LRP1B: variants seen among roughly 807,000 people sequenced by gnomAD.
LRP1B encodes low-density lipoprotein receptor-related protein 1B.
LRP1B carries 217 observed loss-of-function variants against 556.6 expected under a neutral mutation model. That is an observed-to-expected ratio of 0.39 (90% CI 0.35 to 0.44). LRP1B has a LOEUF of 0.44. LRP1B is among the 20% of genes least tolerant of loss of function. The pLI is 1.00. For missense variants in LRP1B, 5,053 were observed against 5,620.8 expected (o/e 0.90, Z 3.23); for synonymous variants, 2,047 against 1,865.8 (o/e 1.10, Z -2.50).
At position 141,099,444 on chromosome 2, in the gene LRP1B, CAG is replaced by C. The variant is rs202012596; in HGVS notation, c.1014-37173_1014-37172del. On this transcript the variant is annotated intron_variant, in intron 7 of 90. Transcript: ENST00000389484. ...CTCTAATATCTCAACTCCCAAAGCA[CAG>C]AGACTAGATGGACGTCAATCTTTCA... 5.3e-3 allele frequency among the ~76,000 whole-genome samples: 781 copies of C among 147,530 alleles called. 11 individuals carry two copies. The highest frequency in any genetic ancestry group is 0.015 in the South Asian group (71 of 4,738).
chr2:140,335,571 G>T (rs1234334555), intron 78 of LRP1B, 44 bp downstream of exon 78: 1 of 1,143,884 alleles, frequency 8.7e-7, no homozygotes, highest in Non-Finnish European at 1.3e-6. Context: ...TTCTAAAAAG[G>T]ATATTCATTA....
intron 2 of LRP1B, among the ~76,000 whole-genome samples, chr2:141,678,242 A>C (rs1394637938): frequency 6.6e-6 from 1 of 152,198 alleles, no homozygotes; most frequent in Admixed American, 6.5e-5. Flanking sequence ...GTAGGAAAAG[A>C]ATATCAGCTA....
At chr2:140,495,980 G>A (rs1049303468) in intron 55 of LRP1B, among the ~76,000 whole-genome samples, 2 of 152,152 alleles carry the variant, frequency 1.3e-5, no homozygotes, top group Admixed American at 1.3e-4. Context: ...GATTGTAAAA[G>A]TTAATTGACA....
Position 140,294,208 on chromosome 2 carries a change from A to G in LRP1B, c.12967+3600T>C, listed in dbSNP as rs544973331. On this transcript the variant is annotated intron_variant, in intron 84 of 90. Transcript: ENST00000389484. ...AAAATGACATGTTCTATGTTGGTCT[A>G]CCAATTGGGAACCAAAAGACAGAGG... 4.6e-5 allele frequency among the ~76,000 whole-genome samples: 7 copies of G among 152,310 alleles called. No homozygotes were observed. The South Asian group carries it at 1.4e-3, about 32-fold the overall frequency.
At chr2:142,116,023 G>C (rs6707007) in intron 1 of LRP1B, among the ~76,000 whole-genome samples, 118,003 of 140,696 alleles carry the variant, frequency 0.84, 50,169 homozygotes, top group East Asian at 0.94. Flanking sequence ...GTGGGAGCAG[G>C]CGGCCAACAT....
At position 141,301,772 on chromosome 2, in the gene LRP1B, G is replaced by A. The variant is rs76376813; in HGVS notation, c.344-47131C>T. 1.1e-3 allele frequency among the ~76,000 whole-genome samples: 169 copies of A among 152,254 alleles called. 1 individual carries two copies. In the East Asian group the frequency reaches 0.03, roughly 27 times the overall value. On this transcript the variant is annotated intron_variant, in intron 3 of 90. Coordinates refer to ENST00000389484, the MANE Select transcript of LRP1B (RefSeq NM_018557.3). ...CTTGATTGTGTCAACATATCTTACA[G>A]TTTGCAGACATGGAAGGAGCCGGCA...
chr2:141,405,301 T>G (rs986160774), intron 3 of LRP1B, among the ~76,000 whole-genome samples: 1 of 152,160 alleles, frequency 6.6e-6, no homozygotes, highest in African/African-American at 2.4e-5. Flanking sequence ...ATAGGGAATA[T>G]CATTTAGCAA....
At chr2:140,780,718 G>T (rs1390332013) in intron 32 of LRP1B, among the ~76,000 whole-genome samples, 1 of 152,096 alleles carries the variant, frequency 6.6e-6, no homozygotes, top group Non-Finnish European at 1.5e-5. Flanking sequence ...ATGGGCCTGG[G>T]TTACATTCAT....
chr2:140,307,495 T>C (rs1684117926), intron 83 of LRP1B, among the ~76,000 whole-genome samples: 1 of 151,870 alleles, frequency 6.6e-6, no homozygotes, highest in African/African-American at 2.4e-5. Context: ...GATTTTATAC[T>C]TTTGGACATA....
intron 3 of LRP1B, among the ~76,000 whole-genome samples, chr2:141,340,113 G>A (rs73963018): frequency 0.051 from 7,707 of 152,246 alleles, 638 homozygotes; most frequent in African/African-American, 0.17. Context: ...CTCATTTATA[G>A]TTTTGTGAGT....
At chr2:141,026,549 C>A (rs898722136) in intron 11 of LRP1B, among the ~76,000 whole-genome samples, 3 of 152,024 alleles carry the variant, frequency 2.0e-5, no homozygotes, top group Non-Finnish European at 2.9e-5. Context: ...TGTGACCATA[C>A]TCCTGGAGAT....
chr2:140,818,414 A>T (rs2105048099), intron 31 of LRP1B, among the ~76,000 whole-genome samples: 1 of 152,320 alleles, frequency 6.6e-6, no homozygotes, highest in East Asian at 1.9e-4. Flanking sequence ...ATCACATGCT[A>T]TATCTGTAGA....
At chr2:141,164,136 G>A (rs1181532920) in intron 7 of LRP1B, among the ~76,000 whole-genome samples, 1 of 152,002 alleles carries the variant, frequency 6.6e-6, no homozygotes, top group African/African-American at 2.4e-5. Flanking sequence ...AGAAGCAGAG[G>A]TGGAAATGAA....
rs1386384278 is a variant in LRP1B at position 140,232,813 on chromosome 2, T to C, written c.*373A>G. 6.4e-6 allele frequency: 1 copy of C among 155,350 alleles called. No homozygotes were observed. The highest frequency in any genetic ancestry group is 1.4e-5 in the Non-Finnish European group (1 of 70,152). 9.6% of individuals were successfully genotyped at this position (155,350 alleles called of 1,614,324 possible). ...ACTGTATTACAGCCTTCAAACCGTA[T>C]AATGGAAAAGTGCAGAGATTCTCCT... On this transcript the variant is annotated 3_prime_UTR_variant, in exon 91 of 91. Transcript: ENST00000389484.
At chr2:141,193,514 T>C (rs892063464) in intron 6 of LRP1B, among the ~76,000 whole-genome samples, 5 of 151,900 alleles carry the variant, frequency 3.3e-5, no homozygotes, top group Non-Finnish European at 7.4e-5. Flanking sequence ...CATGTTCTCA[T>C]GTATTAGTAG....
intron 1 of LRP1B, among the ~76,000 whole-genome samples, chr2:141,842,134 C>A (rs1192587652): frequency 6.6e-6 from 1 of 151,990 alleles, no homozygotes; most frequent in African/African-American, 2.4e-5. Flanking sequence ...AGAATCCTTG[C>A]CAAATGAGAT....
At chr2:141,191,322 A>G (rs1227868142) in intron 6 of LRP1B, among the ~76,000 whole-genome samples, 3 of 151,858 alleles carry the variant, frequency 2.0e-5, no homozygotes, top group Non-Finnish European at 4.4e-5. Flanking sequence ...GGTCAAAATT[A>G]TATTTTTTCC....
chr2:140,285,771 T>C (rs1683120357), intron 84 of LRP1B, among the ~76,000 whole-genome samples: 1 of 151,812 alleles, frequency 6.6e-6, no homozygotes, highest in South Asian at 2.1e-4. Flanking sequence ...TCCCAGATAC[T>C]TTTATTTAGA....
chr2:141,260,611 T>C (rs1005992801), intron 3 of LRP1B, among the ~76,000 whole-genome samples: 2 of 152,232 alleles, frequency 1.3e-5, no homozygotes, highest in African/African-American at 4.8e-5. Context: ...CTTTTGTGTA[T>C]AGCTATCGGA....
Sources: allele counts gnomAD v4.1 joint callset (sites outside exome capture counted in the v4.1 genomes callset), GRCh38; gene constraint gnomAD v4.1.1; transcripts MANE v1.5; gene names NCBI Gene and HGNC (gene_info 2026-07-23, HGNC 2026-07-21).